NOXRED1: variants seen among roughly 807,000 people sequenced by gnomAD.
NOXRED1 encodes the protein NADP dependent oxidoreductase domain containing 1.
A neutral mutation model predicts 30.4 loss-of-function variants in NOXRED1; 20 were observed. The ratio of observed to expected loss-of-function variants is 0.66; its 90% confidence interval spans 0.46 to 0.96. The LOEUF is 0.96. Ranked by LOEUF, NOXRED1 falls within the 40% of genes least tolerant of loss-of-function variation. NOXRED1 has a pLI of 0.00. For synonymous variants in NOXRED1, 155 were observed against 168.0 expected (o/e 0.92, Z 0.60); for missense variants, 374 against 428.0 (o/e 0.87, Z 1.11).
At chr14:77,408,494 C>G (rs1377184029) in intron 2 of NOXRED1, among the ~76,000 whole-genome samples, 4 of 152,052 alleles carry the variant, frequency 2.6e-5, no homozygotes, top group Admixed American at 2.6e-4. Flanking sequence ...TATGTGCTGC[C>G]CAGACTTTTT....
chr14:77,414,750 C>T (rs1283473791), intron 1 of NOXRED1, among the ~76,000 whole-genome samples: 2 of 152,208 alleles, frequency 1.3e-5, no homozygotes, highest in African/African-American at 4.8e-5. Flanking sequence ...AATCATTTCA[C>T]TGGCTCAGGA....
At chr14:77,415,552 G>C (rs1210818857) in intron 1 of NOXRED1, among the ~76,000 whole-genome samples, 1 of 151,502 alleles carries the variant, frequency 6.6e-6, no homozygotes, top group Non-Finnish European at 1.5e-5. Context: ...CTGGGCAATA[G>C]AGCAAGACTT....
chr14:77,394,970 A>G (rs911204238), intron 5 of NOXRED1, among the ~76,000 whole-genome samples, 165 bp from the exon 6 acceptor site: 1 of 152,244 alleles, frequency 6.6e-6, no homozygotes, highest in South Asian at 2.1e-4. Context: ...GTCAATGTGT[A>G]GATTTAAGTG....
chr14:77,411,285 A>G (rs866829237), intron 2 of NOXRED1, among the ~76,000 whole-genome samples: 1 of 151,942 alleles, frequency 6.6e-6, no homozygotes, highest in Non-Finnish European at 1.5e-5. Context: ...CCTGGCCAAC[A>G]TGATGAAACA....
At chr14:77,413,862 C>A in intron 2 of NOXRED1, 72 bp downstream of exon 2, 1 of 1,037,040 alleles carries the variant, frequency 9.6e-7, no homozygotes, top group Non-Finnish European at 1.4e-6. Flanking sequence ...TTTGGAGGAC[C>A]CTTTCAAAAT....
intron 5 of NOXRED1, among the ~76,000 whole-genome samples, chr14:77,397,286 G>A (rs1894213397): frequency 6.6e-6 from 1 of 152,206 alleles, no homozygotes; most frequent in Non-Finnish European, 1.5e-5. Flanking sequence ...AAAAAAGCCA[G>A]TTTCAAAAGG....
chr14:77,399,191 G>A (rs1894261782), intron 5 of NOXRED1, among the ~76,000 whole-genome samples: 1 of 151,970 alleles, frequency 6.6e-6, no homozygotes, highest in African/African-American at 2.4e-5. Context: ...GCCAGGTGAG[G>A]TGACTCCTGT....
rs776493160 is a variant in NOXRED1, at chr14:77,406,120, T to C, written c.698A>G (p.Asn233Ser). The change falls in exon 5 of 6, where the codon AAT (asparagine) becomes AGT (serine). Residue 233 changes from asparagine (N) to serine (S), a missense_variant. Asn to Ser is a conservative substitution (Grantham distance 46). Coordinates refer to ENST00000380835, the MANE Select transcript of NOXRED1 (RefSeq NM_001113475.3). The part of the protein sequence containing the change: ...PYSPAGGIIL[N>S]IKWLEGVFYA... ...GAACACTCCCTCCAACCACTTGATA[T>C]TGAGGATTATTCCCCCTACACATCA... 6.2e-7 allele frequency: 1 copy of C among 1,612,044 alleles called. No individual in the cohort carries two copies. The highest frequency in any genetic ancestry group is 8.5e-7 in the Non-Finnish European group (1 of 1,178,366).
At chr14:77,424,222 A>T (rs1895071153), upstream of NOXRED1, among the ~76,000 whole-genome samples, 1 of 152,198 alleles carries the variant, frequency 6.6e-6, no homozygotes, top group Admixed American at 6.5e-5. Flanking sequence ...AGGCCGAGGC[A>T]GGCGGATCGC....
At chr14:77,395,263 G>A (rs1272587272) in intron 5 of NOXRED1, among the ~76,000 whole-genome samples, 5 of 151,440 alleles carry the variant, frequency 3.3e-5, no homozygotes, top group South Asian at 2.1e-4. Context: ...CCGCCACTAC[G>A]CCCAGCCAAT....
chr14:77,424,571 A>G (rs753804209), upstream of NOXRED1, among the ~76,000 whole-genome samples: 1 of 152,216 alleles, frequency 6.6e-6, no homozygotes, highest in Non-Finnish European at 1.5e-5. Context: ...ACACCAAAAC[A>G]GTCAGTAGGT....
chr14:77,416,585 G>A (rs900262965), intron 1 of NOXRED1, among the ~76,000 whole-genome samples: 5 of 152,146 alleles, frequency 3.3e-5, no homozygotes, highest in African/African-American at 1.2e-4. Flanking sequence ...AAAATGAAAA[G>A]TCTCCCATGT....
At chr14:77,418,622 C>A (rs1894899372) in intron 1 of NOXRED1, among the ~76,000 whole-genome samples, 1 of 151,942 alleles carries the variant, frequency 6.6e-6, no homozygotes, top group Admixed American at 6.6e-5. Flanking sequence ...CTCTACTTTC[C>A]AGGCTCAAGC....
chr14:77,408,651 C>T (rs935763795), intron 2 of NOXRED1, among the ~76,000 whole-genome samples: 2 of 152,122 alleles, frequency 1.3e-5, no homozygotes, highest in Admixed American at 6.6e-5. Context: ...GTAGCAGTCC[C>T]ATTTTACAGA....
At chr14:77,404,864 TAAG>T (rs1240320930) in intron 5 of NOXRED1, among the ~76,000 whole-genome samples, 2 of 152,074 alleles carry the variant, frequency 1.3e-5, no homozygotes, top group African/African-American at 4.8e-5. Flanking sequence ...TCACTAGTAA[TAAG>T]AGCAATAATC....
chr14:77,425,845 T>TCA (rs1895109039), upstream of NOXRED1, among the ~76,000 whole-genome samples: 1 of 145,412 alleles, frequency 6.9e-6, no homozygotes, highest in Non-Finnish European at 1.6e-5. Flanking sequence ...CCATATTGCC[T>TCA]TAAGGCATGG....
chr14:77,408,892 A>T lies in NOXRED1; in HGVS notation c.350-1247T>A, dbSNP rs200021992. 3.2e-4 allele frequency among the ~76,000 whole-genome samples: 22 copies of T among 68,182 alleles called. 1 individual carries two copies. Among genetic ancestry groups the T allele is most frequent in the Admixed American group, 5.7e-4 (2 of 3,486 alleles). 44.7% of individuals were successfully genotyped at this position (68,182 alleles called of 152,430 possible). On this transcript the variant is annotated intron_variant, in intron 2 of 5. Transcript: ENST00000380835. ...GCATAAAAACACTCACTGGTAGTTA[A>T]TTTTTTTTTTTTTTTTTTTTGGCTA...
chr14:77,419,589 T>C (rs1266956839), intron 1 of NOXRED1, among the ~76,000 whole-genome samples: 1 of 151,286 alleles, frequency 6.6e-6, no homozygotes, highest in Admixed American at 6.6e-5. Context: ...GCTGGGACTA[T>C]AGGCGCCCGC....
chr14:77,403,321 A>G (rs1894374942), intron 5 of NOXRED1, among the ~76,000 whole-genome samples: 2 of 152,210 alleles, frequency 1.3e-5, no homozygotes, highest in African/African-American at 2.4e-5. Flanking sequence ...AAAAAAGAAT[A>G]TAACAAAAAA....
Sources: allele counts gnomAD v4.1 joint callset (sites outside exome capture counted in the v4.1 genomes callset), GRCh38; gene constraint gnomAD v4.1.1; transcripts MANE v1.5; gene names NCBI Gene and HGNC (gene_info 2026-07-23, HGNC 2026-07-21).